The following PKP4 variants were observed in gnomAD, a reference collection of about 807,000 sequenced individuals.
The protein encoded by PKP4 is plakophilin-4.
PKP4 carries 90 observed loss-of-function variants against 145.1 expected under a neutral mutation model. The observed-to-expected ratio is 0.62, with a 90% CI of 0.52 to 0.74. The LOEUF (loss-of-function observed/expected upper bound fraction) is 0.74, where lower values mean the gene tolerates loss of function less well. Among genes scored for constraint, PKP4 ranks in the 30% least tolerant of loss-of-function variants. The pLI, the probability that PKP4 is intolerant of heterozygous loss-of-function variation, is 0.00. For synonymous variants in PKP4, 563 were observed against 577.2 expected (o/e 0.98, Z 0.35); for missense variants, 1,340 against 1,482.7 (o/e 0.90, Z 1.58).
rs1490612660 is a variant in PKP4, at chr2:158,617,521, TCTC to T, written c.281-3468_281-3466del. On this transcript the variant is annotated intron_variant, in intron 4 of 21. Coordinates refer to ENST00000389759, the MANE Select transcript of PKP4 (RefSeq NM_003628.6). ...GGTTATTTGCACACTATATACCTCT[TCTC>T]TAGTGAATTTGACTAGTATCTTTCA... Among the ~76,000 whole-genome samples, 5 of 152,342 alleles carry T rather than the reference TCTC, an allele frequency of 3.3e-5. No homozygotes were observed. In the East Asian group the frequency reaches 9.6e-4, roughly 29 times the overall value.
intron 9 of PKP4, among the ~76,000 whole-genome samples, chr2:158,639,252 C>T (rs1051803199): frequency 1.3e-5 from 2 of 152,068 alleles, no homozygotes; most frequent in Non-Finnish European, 2.9e-5. Context: ...TAAATAGAAT[C>T]GTATCTTACC....
At chr2:158,530,483 C>T (rs990831834) in intron 1 of PKP4, among the ~76,000 whole-genome samples, 6 of 142,828 alleles carry the variant, frequency 4.2e-5, no homozygotes, top group Admixed American at 7.1e-5. Flanking sequence ...AGTCTCTTTA[C>T]GATAGAAGTA....
chr2:158,539,962 C>T (rs1391001058), intron 2 of PKP4, among the ~76,000 whole-genome samples: 1 of 152,150 alleles, frequency 6.6e-6, no homozygotes, highest in Non-Finnish European at 1.5e-5. Flanking sequence ...TTAAAGAATA[C>T]TACAGAGTAT....
chr2:158,485,582 G>A (rs1453489219), intron 1 of PKP4, among the ~76,000 whole-genome samples: 2 of 152,238 alleles, frequency 1.3e-5, no homozygotes, highest in African/African-American at 4.8e-5. Flanking sequence ...TGGGTGGTCA[G>A]TGTGTATTTG....
intron 3 of PKP4, among the ~76,000 whole-genome samples, chr2:158,597,415 A>G (rs1038552849): frequency 2.0e-5 from 3 of 152,228 alleles, no homozygotes; most frequent in Non-Finnish European, 4.4e-5. Context: ...TTAATATACT[A>G]TCTTTACTCT....
intron 16 of PKP4, among the ~76,000 whole-genome samples, chr2:158,668,718 A>G (rs1351709696): frequency 1.3e-5 from 2 of 152,198 alleles, no homozygotes; most frequent in Non-Finnish European, 2.9e-5. Flanking sequence ...TCCACTCTTC[A>G]TAGCAGTGTT....
At chr2:158,567,712 C>T (rs1002151649) in intron 2 of PKP4, among the ~76,000 whole-genome samples, 1 of 152,110 alleles carries the variant, frequency 6.6e-6, no homozygotes, top group African/African-American at 2.4e-5. Context: ...CGTTGGCAAA[C>T]ATATCAGGAA....
At chr2:158,508,402 C>G (rs2041206787) in intron 1 of PKP4, among the ~76,000 whole-genome samples, 2 of 147,414 alleles carry the variant, frequency 1.4e-5, no homozygotes, top group African/African-American at 5.0e-5. Context: ...GAAGAAGATG[C>G]CAGTGAAGGA....
intron 9 of PKP4, among the ~76,000 whole-genome samples, chr2:158,635,738 C>G (rs1034375425): frequency 6.6e-6 from 1 of 152,084 alleles, no homozygotes; most frequent in Non-Finnish European, 1.5e-5. Context: ...AAACTGATGG[C>G]TGTCTTTGAT....
Position 158,533,253 on chromosome 2 carries a change from C to T in PKP4, c.69C>T (p.Ser23=). The change falls in exon 2 of 22, where the codon TCC becomes TCT. Residue 23 remains serine (S), a synonymous_variant. Coordinates refer to ENST00000389759, the MANE Select transcript of PKP4 (RefSeq NM_003628.6). ...GQPQTRQEAA[S]TGPGMEPETT... is the part of the protein sequence containing the mutation. ...CACAGACCCGCCAGGAAGCTGCCTC[C>T]ACTGGCCCAGGCATGGAACCCGAGA... The T allele has an allele frequency of 6.2e-7, 1 of 1,614,110 alleles. No homozygotes were observed.
intron 9 of PKP4, 87 bp downstream of exon 9, chr2:158,634,376 T>G: frequency 1.1e-6 from 1 of 878,112 alleles, no homozygotes; most frequent in Non-Finnish European, 1.9e-6. Context: ...AGTTGCTAAG[T>G]CTATTATACT....
At chr2:158,528,669 G>GAAAAAAA (rs59566011) in intron 1 of PKP4, among the ~76,000 whole-genome samples, 4 of 86,014 alleles carry the variant, frequency 4.7e-5, no homozygotes, top group African/African-American at 9.5e-5. Flanking sequence ...CTTACTAAAT[G>GAAAAAAA]AAAAAAAAAA....
intron 4 of PKP4, among the ~76,000 whole-genome samples, chr2:158,618,547 G>A (rs1489691015): frequency 2.0e-5 from 3 of 152,206 alleles, no homozygotes; most frequent in Middle Eastern, 3.4e-3. Context: ...AGTTTTATTA[G>A]GGCAACCAGT....
intron 2 of PKP4, among the ~76,000 whole-genome samples, chr2:158,563,740 CCCA>C (rs2046737918): frequency 6.6e-6 from 1 of 151,724 alleles, no homozygotes; most frequent in African/African-American, 2.4e-5. Context: ...GTTAAATTGC[CCCA>C]CCAAGAGTTT....
chr2:158,517,107 A>G (rs982342206), intron 1 of PKP4, among the ~76,000 whole-genome samples: 6 of 152,174 alleles, frequency 3.9e-5, no homozygotes, highest in Admixed American at 1.3e-4. Flanking sequence ...TAGTGATTTC[A>G]TTAGTCTTTA....
chr2:158,470,396 TTC>T (rs1449517160), intron 1 of PKP4, among the ~76,000 whole-genome samples: 1 of 152,186 alleles, frequency 6.6e-6, no homozygotes, highest in African/African-American at 2.4e-5. Flanking sequence ...CTACTCATTG[TTC>T]TCTGTCTCCC....
intron 7 of PKP4, among the ~76,000 whole-genome samples, chr2:158,626,140 C>G (rs1192109925): frequency 6.6e-6 from 1 of 152,144 alleles, no homozygotes. Context: ...AAAATTAAAA[C>G]TATATGGGAA....
chr2:158,522,417 C>T (rs1032147377), intron 1 of PKP4, among the ~76,000 whole-genome samples: 3 of 151,594 alleles, frequency 2.0e-5, no homozygotes, highest in African/African-American at 7.3e-5. Flanking sequence ...GCCTGTTAAT[C>T]ACTGATAGTT....
At chr2:158,556,801 AG>A (rs1227545280) in intron 2 of PKP4, among the ~76,000 whole-genome samples, 1 of 152,218 alleles carries the variant, frequency 6.6e-6, no homozygotes, top group Non-Finnish European at 1.5e-5. Flanking sequence ...TGTCAAAGAA[AG>A]GCTTATGAGT....
Sources: gnomAD v4.1 joint callset for allele counts (sites outside exome capture counted in the v4.1 genomes callset) on GRCh38, gnomAD v4.1.1 for gene constraint, MANE v1.5 for transcripts, NCBI Gene and HGNC (gene_info 2026-07-23, HGNC 2026-07-21) for gene names.